Variants in CACHD1 observed in about 807,000 individuals in gnomAD.
CACHD1 encodes cache domain containing 1.
A neutral mutation model predicts 138.7 loss-of-function variants in CACHD1; 71 were observed. The ratio of observed to expected loss-of-function variants is 0.51; its 90% CI spans 0.42 to 0.62. The LOEUF (loss-of-function observed/expected upper bound fraction) is 0.62. Ranked by LOEUF, CACHD1 falls within the 20% of genes least tolerant of loss-of-function variation. The probability of loss-of-function intolerance (pLI) is 0.00; values close to 1 mark genes in which losing one functional copy is unlikely to be tolerated. For missense variants in CACHD1, 1,389 were observed against 1,625.3 expected, an observed-to-expected ratio of 0.85 and a Z score of 2.50; for synonymous variants, 578 against 591.5, an observed-to-expected ratio of 0.98 and a Z score of 0.33.
At chr1:64,679,824 A>G in intron 24 of CACHD1, 68 bp downstream of exon 24, 2 of 1,557,496 alleles carry the variant, frequency 1.3e-6, no homozygotes, top group Non-Finnish European at 1.7e-6. Flanking sequence ...GGGTTGTGTA[A>G]GCCTCTAAGG....
At chr1:64,656,589 T>G (rs542407250) in intron 12 of CACHD1, among the ~76,000 whole-genome samples, 62 of 152,274 alleles carry the variant, frequency 4.1e-4, no homozygotes, top group Non-Finnish European at 7.4e-4. Context: ...CTGACCTTCT[T>G]GATACAGTAA....
chr1:64,647,272 A>G (rs1040029171), intron 8 of CACHD1, among the ~76,000 whole-genome samples: 1 of 152,206 alleles, frequency 6.6e-6, no homozygotes, highest in African/African-American at 2.4e-5. Flanking sequence ...TTAAAGAAAC[A>G]GGGTTTGGAG....
chr1:64,648,288 G>A (rs1403178286), intron 9 of CACHD1, among the ~76,000 whole-genome samples: 1 of 152,146 alleles, frequency 6.6e-6, no homozygotes, highest in Non-Finnish European at 1.5e-5. Context: ...AGAACTAAAG[G>A]GTAGCTTTGT....
intron 3 of CACHD1, among the ~76,000 whole-genome samples, chr1:64,587,653 A>G (rs1647061263): frequency 6.6e-6 from 1 of 152,216 alleles, no homozygotes; most frequent in African/African-American, 2.4e-5. Context: ...GCTAAATTTA[A>G]TCAAAAACAA....
intron 13 of CACHD1, among the ~76,000 whole-genome samples, chr1:64,660,589 G>T (rs1649408982): frequency 6.6e-6 from 1 of 151,682 alleles, no homozygotes; most frequent in Non-Finnish European, 1.5e-5. Context: ...GGAGTACAGT[G>T]GCACGATCTT....
intron 1 of CACHD1, among the ~76,000 whole-genome samples, chr1:64,517,378 T>C (rs1217413580): frequency 6.6e-6 from 1 of 152,146 alleles, no homozygotes. Flanking sequence ...TGATATCATA[T>C]GTTGGAGAAT....
At chr1:64,555,601 AG>A (rs575541917) in intron 2 of CACHD1, among the ~76,000 whole-genome samples, 126 of 152,186 alleles carry the variant, frequency 8.3e-4, no homozygotes, top group African/African-American at 2.9e-3. Flanking sequence ...TTGTAGTTTT[AG>A]TAGAGATGGG....
intron 1 of CACHD1, among the ~76,000 whole-genome samples, chr1:64,543,402 CATATATAT>C (rs140966471): frequency 6.3e-5 from 8 of 126,872 alleles, no homozygotes; most frequent in African/African-American, 2.0e-4. Flanking sequence ...AAAAAAAATA[CATATATAT>C]ATATATATAT....
At chr1:64,532,440 A>AT (rs1646595180) in intron 1 of CACHD1, among the ~76,000 whole-genome samples, 1 of 152,154 alleles carries the variant, frequency 6.6e-6, no homozygotes, top group African/African-American at 2.4e-5. Context: ...TGGAGTTGCT[A>AT]TTTTGCATAA....
chr1:64,671,536 T>C, intron 16 of CACHD1, 28 bp from the exon 17 acceptor site: 1 of 1,613,232 alleles, frequency 6.2e-7, no homozygotes, highest in Non-Finnish European at 8.5e-7. Context: ...CCATGCCTAT[T>C]GTTCTCATTG....
At chr1:64,631,726 G>T (rs531543515) in intron 5 of CACHD1, among the ~76,000 whole-genome samples, 1 of 152,226 alleles carries the variant, frequency 6.6e-6, no homozygotes, top group African/African-American at 2.4e-5. Context: ...GCAAAAGGCT[G>T]CTTTGATGGG....
At chr1:64,679,906 C>T (rs1650115846) in intron 24 of CACHD1, 150 bp downstream of exon 24, 2 of 849,752 alleles carry the variant, frequency 2.4e-6, no homozygotes, top group African/African-American at 1.7e-5. Context: ...CTGCTTTCTT[C>T]TTCAGTGCCT....
rs1168281496 is a variant in CACHD1, at chr1:64,675,974, C to T, written c.2966C>T (p.Ala989Val). The T allele has an allele frequency of 7.7e-7, 1 of 1,297,268 alleles. No individual in the cohort carries two copies. Among genetic ancestry groups the T allele is most frequent in the Non-Finnish European group, 1.0e-6 (1 of 979,796 alleles). The allele number at this position is 1,297,268 out of a possible 1,614,324, so 80.4% of individuals were successfully genotyped here. The change falls in exon 21 of 27, where the codon GCA becomes GTA. Residue 989 changes from alanine (A) to valine (V), a missense_variant. Transcript: ENST00000651257. ...GAGTGCACTGGCAACCTCACCAATG[C>T]AGAGAACCGGTAAAATAATTAATAA... ...VNECTGNLTNAENRNPSCEVH... is the reference protein window; with the variant it reads ...VNECTGNLTNVENRNPSCEVH...
At position 64,691,670 on chromosome 1, in the gene CACHD1, C is replaced by A; in HGVS notation, c.*109C>A. ...GCAAGAGACCTCCCTTGTGTTTGTG[C>A]TTTGTGCAGAGTTGTTTGAGTCATT... On this transcript the variant is annotated 3_prime_UTR_variant, in exon 27 of 27. Coordinates refer to ENST00000651257, the MANE Select transcript of CACHD1 (RefSeq NM_020925.4). The A allele has an allele frequency of 2.1e-6, 2 of 966,554 alleles. No individual in the cohort carries two copies. Among genetic ancestry groups the A allele is most frequent in the Non-Finnish European group, 3.1e-6 (2 of 637,582 alleles). 59.9% of individuals were successfully genotyped at this position (966,554 alleles called of 1,614,324 possible).
chr1:64,512,289 G>A (rs1258318002), intron 1 of CACHD1, among the ~76,000 whole-genome samples: 1 of 151,054 alleles, frequency 6.6e-6, no homozygotes, highest in Non-Finnish European at 1.5e-5. Context: ...AGCTACTTGG[G>A]AGGCTGAGTC....
intron 1 of CACHD1, among the ~76,000 whole-genome samples, chr1:64,522,230 T>C (rs1301023612): frequency 1.3e-5 from 2 of 152,220 alleles, no homozygotes; most frequent in East Asian, 3.8e-4. Context: ...CTGAATGGTT[T>C]TGGCACCCTT....
chr1:64,642,315 A>G (rs550764213), intron 8 of CACHD1, among the ~76,000 whole-genome samples: 1 of 152,308 alleles, frequency 6.6e-6, no homozygotes, highest in African/African-American at 2.4e-5. Flanking sequence ...TTTAAGCTGC[A>G]GGAAGCCAAA....
At position 64,647,833 on chromosome 1, in the gene CACHD1, C is replaced by G; in HGVS notation, c.1189C>G (p.Leu397Val). ...GACTGGTTTGAAAGAGCTGGCTTTT[C>G]TGAGGGATCTAGCTGAACAGAATTC... ...GVTGLKELAF[L>V]RDLAEQNSGK... Residue 397 changes from leucine to valine, a missense_variant, in exon 9 of 27, where the codon CTG becomes GTG. This residue lies in a region of CACHD1 where 1,000 missense variants were observed against 1,114.7 expected (regional missense o/e 0.90). Coordinates refer to ENST00000651257, the MANE Select transcript of CACHD1 (RefSeq NM_020925.4). The G allele has an allele frequency of 6.2e-7, 1 of 1,614,158 alleles. No individual in the cohort carries two copies.
chr1:64,553,717 C>T (rs1389793356), intron 2 of CACHD1, among the ~76,000 whole-genome samples: 2 of 152,204 alleles, frequency 1.3e-5, no homozygotes, highest in African/African-American at 4.8e-5. Flanking sequence ...ATATCTTCCT[C>T]TCTCCCTCTC....
Sources: allele counts gnomAD v4.1 joint callset (sites outside exome capture counted in the v4.1 genomes callset), GRCh38; gene constraint gnomAD v4.1.1; regional missense constraint gnomAD v4.1.1; transcripts MANE v1.5; gene names NCBI Gene and HGNC (gene_info 2026-07-23, HGNC 2026-07-21).